The following CP variants were observed in gnomAD, a reference collection of about 807,000 sequenced individuals.
CP encodes the protein caeruloplasmin.
In CP, 64 loss-of-function variants were observed where a neutral mutation model predicts 122.4. The observed-to-expected ratio is 0.52, with a 90% confidence interval of 0.43 to 0.64. CP has a LOEUF of 0.64. Among genes scored for constraint, CP ranks in the 30% least tolerant of loss-of-function variants. CP has a pLI of 0.00. For synonymous variants in CP, 440 were observed against 436.4 expected, an observed-to-expected ratio of 1.01 and a Z score of -0.10; for missense variants, 1,167 against 1,284.4, an observed-to-expected ratio of 0.91 and a Z score of 1.40.
intron 12 of CP, 115 bp downstream of exon 12, chr3:149,185,124 T>G (rs1459658346): frequency 1.2e-6 from 1 of 827,286 alleles, no homozygotes; most frequent in Admixed American, 2.0e-5. Flanking sequence ...TTGTTGTTGT[T>G]GTTATTGTTT....
chr3:149,201,134 T>C lies in CP; in HGVS notation c.1348+968A>G, dbSNP rs534657273. Among the ~76,000 whole-genome samples the C allele has an allele frequency of 4.6e-5, 7 of 151,604 alleles. No individual in the cohort carries two copies. In the East Asian group the frequency reaches 7.8e-4, roughly 17 times the overall value. On this transcript the variant is annotated intron_variant, in intron 7 of 18. Coordinates refer to ENST00000264613, the MANE Select transcript of CP (RefSeq NM_000096.4). Reference sequence around the variant, plus strand: ...ATTGATTGATTGATTGATTGATTGATTGATTTTGAGACGGAGTCTCGCTCT... The same window carrying C: ...ATTGATTGATTGATTGATTGATTGACTGATTTTGAGACGGAGTCTCGCTCT...
downstream of CP, chr3:149,168,143 C>T (rs1027079948): frequency 3.3e-6 from 2 of 615,266 alleles, no homozygotes; most frequent in African/African-American, 1.9e-5. Context: ...CTCCCCTTGA[C>T]ATTTGATATT....
intron 9 of CP, among the ~76,000 whole-genome samples, chr3:149,188,938 T>C (rs1349911614): frequency 2.0e-5 from 3 of 152,084 alleles, no homozygotes; most frequent in Non-Finnish European, 4.4e-5. Flanking sequence ...GATTATCAAA[T>C]TGAAAAAAAT....
Position 149,199,975 on chromosome 3 carries a change from C to T in CP, c.1349-111G>A, listed in dbSNP as rs186087404. On this transcript the variant is annotated intron_variant, in intron 7 of 18. Transcript: ENST00000264613. ...CTGGCAAGAACTACTAGGAGCAACACGCTTATTTGTGGTGAATGGAAAGCT... is the reference window on the plus strand; with the variant it reads ...CTGGCAAGAACTACTAGGAGCAACATGCTTATTTGTGGTGAATGGAAAGCT... 276 of 1,126,056 alleles carry T rather than the reference C, an allele frequency of 2.5e-4. 2 individuals are homozygous for T. In the African/African-American group the frequency reaches 2.5e-3, roughly 10 times the overall value. 69.8% of individuals were successfully genotyped at this position (1,126,056 alleles called of 1,614,324 possible).
At chr3:149,203,642 G>T (rs558553818) in intron 6 of CP, among the ~76,000 whole-genome samples, 2 of 152,316 alleles carry the variant, frequency 1.3e-5, no homozygotes, top group Admixed American at 1.3e-4. Context: ...TGCAAACGAA[G>T]AAATTAAATT....
At chr3:149,196,980 A>G (rs1248880142) in intron 9 of CP, among the ~76,000 whole-genome samples, 1 of 152,194 alleles carries the variant, frequency 6.6e-6, no homozygotes, top group Non-Finnish European at 1.5e-5. Flanking sequence ...CTTTGCCTTA[A>G]CTGATGACAT....
intron 18 of CP, 92 bp from the exon 19 acceptor site, chr3:149,173,822 G>A (rs1462342559): frequency 3.2e-6 from 2 of 617,942 alleles, no homozygotes; most frequent in Admixed American, 3.0e-5. Context: ...AATTTTTAAT[G>A]TTACTTTACT....
intron 18 of CP, 23 bp downstream of exon 18, chr3:149,176,227 A>G: frequency 6.2e-7 from 1 of 1,608,248 alleles, no homozygotes; most frequent in Non-Finnish European, 8.5e-7. Context: ...TATGGCTTCT[A>G]GAATTACTAC....
At chr3:149,220,321 T>C (rs1172052264) in intron 1 of CP, among the ~76,000 whole-genome samples, 1 of 152,128 alleles carries the variant, frequency 6.6e-6, no homozygotes, top group Non-Finnish European at 1.5e-5. Flanking sequence ...AGAAGGATAG[T>C]ATTTTTATTT....
At chr3:149,200,391 T>A (rs1284085443) in intron 7 of CP, among the ~76,000 whole-genome samples, 1 of 152,234 alleles carries the variant, frequency 6.6e-6, no homozygotes, top group Non-Finnish European at 1.5e-5. Context: ...GAGTTTCCTA[T>A]CTGTTCTTCT....
chr3:149,167,940 A>C, downstream of CP: 1 of 1,607,458 alleles, frequency 6.2e-7, no homozygotes, highest in South Asian at 1.1e-5. Flanking sequence ...AGAGAATAAA[A>C]TGTGGTGGAG....
At chr3:149,208,795 A>G (rs989206705) in intron 4 of CP, among the ~76,000 whole-genome samples, 8 of 152,182 alleles carry the variant, frequency 5.3e-5, no homozygotes, top group African/African-American at 2.4e-5. Flanking sequence ...ATAGTATGTA[A>G]AACGAATACC....
rs1411978597 is a variant in CP, at chr3:149,212,672, T to C, written c.173A>G (p.Asn58Ser). Residue 58 changes from asparagine (N) to serine (S), a missense_variant, in exon 2 of 19, where the codon AAT becomes AGT. Coordinates refer to ENST00000264613, the MANE Select transcript of CP (RefSeq NM_000096.4). Reference sequence around the variant, plus strand: ...TAGTCTCCCAATTCTATCTGGGCCATTTTGAAGATAGATATTGGAATGTTC... The same window carrying C: ...TAGTCTCCCAATTCTATCTGGGCCACTTTGAAGATAGATATTGGAATGTTC... ...DTEHSNIYLQ[N>S]GPDRIGRLYK... 1 of 1,613,706 alleles carries C rather than the reference T, an allele frequency of 6.2e-7. No homozygotes were observed. The highest frequency in any genetic ancestry group is 8.5e-7 in the Non-Finnish European group (1 of 1,179,930).
chr3:149,193,466 G>A (rs35879864), intron 9 of CP, among the ~76,000 whole-genome samples: 1 of 152,076 alleles, frequency 6.6e-6, no homozygotes, highest in East Asian at 1.9e-4. Context: ...ATCATAATAT[G>A]TTTAAGTGTA....
chr3:149,188,300 G>A (rs999338971), intron 9 of CP, 98 bp from the exon 10 acceptor site: 63 of 1,033,168 alleles, frequency 6.1e-5, no homozygotes, highest in Non-Finnish European at 8.7e-5. Context: ...CTAAAGGAAA[G>A]AATGAGAACA....
intron 18 of CP, among the ~76,000 whole-genome samples, chr3:149,175,365 GT>G (rs1469278812): frequency 1.3e-5 from 2 of 152,108 alleles, no homozygotes; most frequent in African/African-American, 4.8e-5. Flanking sequence ...GATGTAAGTT[GT>G]TTGTGTAAGA....
At chr3:149,168,322 T>C (rs1384611734), downstream of CP, 2 of 256,442 alleles carry the variant, frequency 7.8e-6, no homozygotes, top group African/African-American at 4.5e-5. Flanking sequence ...TTACTTCATG[T>C]AGGAAGTTAA....
chr3:149,176,067 A>G (rs895325432), intron 18 of CP, 183 bp downstream of exon 18: 4 of 611,074 alleles, frequency 6.5e-6, no homozygotes, highest in Non-Finnish European at 1.2e-5. Flanking sequence ...GGAAATGAGC[A>G]GTATCCCTCA....
chr3:149,185,538 A>G (rs963581342), intron 11 of CP, 92 bp from the exon 12 acceptor site: 6 of 1,206,064 alleles, frequency 5.0e-6, no homozygotes, highest in Non-Finnish European at 7.2e-6. Context: ...AGTCCTTATC[A>G]TGGCCTCAGG....
Sources: allele counts gnomAD v4.1 joint callset (sites outside exome capture counted in the v4.1 genomes callset), GRCh38; gene constraint gnomAD v4.1.1; transcripts MANE v1.5; gene names NCBI Gene and HGNC (gene_info 2026-07-23, HGNC 2026-07-21).